The following EFNA5 variants were observed in gnomAD, a reference collection of about 807,000 sequenced individuals.
EFNA5 encodes the protein ephrin-A5.
A neutral mutation model predicts 22.9 loss-of-function variants in EFNA5; 5 were observed. The observed-to-expected ratio is 0.22, with a 90% confidence interval of 0.11 to 0.46. The LOEUF is 0.46. EFNA5 is among the 20% of genes least tolerant of loss of function. The pLI is 0.99. For synonymous variants in EFNA5, 113 were observed against 112.2 expected (o/e 1.01, Z -0.04); for missense variants, 237 against 293.3 (o/e 0.81, Z 1.40).
At chr5:107,532,485 T>C (rs746684391) in intron 1 of EFNA5, among the ~76,000 whole-genome samples, 13 of 152,218 alleles carry the variant, frequency 8.5e-5, no homozygotes, top group Non-Finnish European at 1.8e-4. Context: ...CTCTAGGAAT[T>C]AGCCGGGTTA....
intron 1 of EFNA5, among the ~76,000 whole-genome samples, chr5:107,431,903 T>C (rs1170324849): frequency 1.3e-5 from 2 of 152,244 alleles, no homozygotes; most frequent in East Asian, 1.9e-4. Flanking sequence ...AGAGAGGGCA[T>C]TGTCCAACTT....
intron 1 of EFNA5, among the ~76,000 whole-genome samples, chr5:107,455,176 G>A (rs1490357845): frequency 4.6e-5 from 7 of 152,166 alleles, no homozygotes; most frequent in African/African-American, 1.7e-4. Context: ...GTTGGATGTG[G>A]TGTCATGGCA....
In EFNA5 at chr5:107,572,480, G is replaced by A. The variant is rs559679898; in HGVS notation, c.125+98009C>T. Reference sequence around the variant, plus strand: ...AGAAGTTTAGAAAGCTAGGGAGGAGGGGGCCGCCAAAGGGAACCTGCCATG... The same window carrying A: ...AGAAGTTTAGAAAGCTAGGGAGGAGAGGGCCGCCAAAGGGAACCTGCCATG... On this transcript the variant is annotated intron_variant, in intron 1 of 4. Transcript: ENST00000333274. 3.9e-5 allele frequency among the ~76,000 whole-genome samples: 6 copies of A among 152,238 alleles called. No homozygotes were observed. The South Asian group carries it at 1.2e-3, about 32-fold the overall frequency.
intron 1 of EFNA5, among the ~76,000 whole-genome samples, chr5:107,528,249 C>T (rs751182833): frequency 1.3e-5 from 2 of 152,144 alleles, no homozygotes; most frequent in African/African-American, 4.8e-5. Context: ...AGCTTGATAT[C>T]AAAACAACTA....
At chr5:107,407,318 C>T (rs1230592044) in intron 2 of EFNA5, among the ~76,000 whole-genome samples, 2 of 152,168 alleles carry the variant, frequency 1.3e-5, no homozygotes, top group African/African-American at 4.8e-5. Flanking sequence ...ATTCTCATTA[C>T]CACCATCATC....
chr5:107,387,143 T>C (rs1156750297), intron 4 of EFNA5, 92 bp downstream of exon 4: 5 of 829,286 alleles, frequency 6.0e-6, no homozygotes, highest in Non-Finnish European at 9.4e-6. Flanking sequence ...AACTATAACA[T>C]GCAAACATGC....
At chr5:107,549,631 T>C (rs1748241991) in intron 1 of EFNA5, among the ~76,000 whole-genome samples, 1 of 152,158 alleles carries the variant, frequency 6.6e-6, no homozygotes, top group Non-Finnish European at 1.5e-5. Flanking sequence ...ATTCAATCTC[T>C]TCAGCTCTCA....
At chr5:107,637,154 A>AT (rs759298894) in intron 1 of EFNA5, among the ~76,000 whole-genome samples, 1 of 152,206 alleles carries the variant, frequency 6.6e-6, no homozygotes, top group Non-Finnish European at 1.5e-5. Context: ...AAATGAGTTC[A>AT]TTATTGGTCA....
intron 1 of EFNA5, among the ~76,000 whole-genome samples, chr5:107,661,814 A>G (rs1750966078): frequency 6.6e-6 from 1 of 152,154 alleles, no homozygotes; most frequent in African/African-American, 2.4e-5. Flanking sequence ...ATAAAACATC[A>G]AGTATCATGT....
chr5:107,591,952 ATATAT>A lies in EFNA5; in HGVS notation c.125+78532_125+78536del, dbSNP rs1749356699. On this transcript the variant is annotated intron_variant, in intron 1 of 4. Coordinates refer to ENST00000333274, the MANE Select transcript of EFNA5 (RefSeq NM_001962.3). ...ATATATAATATATATATTATATATA[ATATAT>A]AATATATATAATATATATAATATAT... Among the ~76,000 whole-genome samples the A allele has an allele frequency of 4.1e-4, 7 of 16,918 alleles. 1 individual carries two copies. Among genetic ancestry groups the A allele is most frequent in the African/African-American group, 2.3e-3 (7 of 3,032 alleles). 11.1% of individuals were successfully genotyped at this position (16,918 alleles called of 152,430 possible). A position where few individuals can be genotyped will look rare whatever the true frequency, so the allele number is the denominator to read the frequency against.
chr5:107,422,224 C>G (rs944824195), intron 2 of EFNA5, among the ~76,000 whole-genome samples: 1 of 152,180 alleles, frequency 6.6e-6, no homozygotes, highest in African/African-American at 2.4e-5. Flanking sequence ...AAGAATAGTT[C>G]TTCGTAGTGC....
At chr5:107,409,843 C>T (rs891946083) in intron 2 of EFNA5, among the ~76,000 whole-genome samples, 1 of 152,100 alleles carries the variant, frequency 6.6e-6, no homozygotes, top group Non-Finnish European at 1.5e-5. Context: ...ATGAAGCCTA[C>T]AGCAGACTGC....
intron 1 of EFNA5, among the ~76,000 whole-genome samples, chr5:107,481,429 G>A (rs889039386): frequency 6.6e-6 from 1 of 152,116 alleles, no homozygotes; most frequent in Non-Finnish European, 1.5e-5. Context: ...AATAAAGGAT[G>A]GTATTTTGAT....
intron 1 of EFNA5, among the ~76,000 whole-genome samples, chr5:107,481,404 T>C (rs1750456793): frequency 6.6e-6 from 1 of 152,194 alleles, no homozygotes; most frequent in South Asian, 2.1e-4. Context: ...TTTGAGAAGT[T>C]TGTTATTAAA....
At chr5:107,609,795 G>GTGCCCC (rs1749792244) in intron 1 of EFNA5, among the ~76,000 whole-genome samples, 1 of 152,126 alleles carries the variant, frequency 6.6e-6, no homozygotes, top group Non-Finnish European at 1.5e-5. Flanking sequence ...TCCAGCCACC[G>GTGCCCC]TGCCCCTGCC....
intron 2 of EFNA5, among the ~76,000 whole-genome samples, chr5:107,395,283 C>T (rs1747892919): frequency 1.3e-5 from 2 of 152,106 alleles, no homozygotes; most frequent in African/African-American, 4.8e-5. Flanking sequence ...AAGTGATCCC[C>T]CTGCCTCAGC....
intron 1 of EFNA5, among the ~76,000 whole-genome samples, chr5:107,460,828 G>A (rs1330438890): frequency 6.6e-6 from 1 of 152,104 alleles, no homozygotes; most frequent in African/African-American, 2.4e-5. Context: ...ACTGCTAGAG[G>A]AATATGCCTA....
intron 1 of EFNA5, among the ~76,000 whole-genome samples, chr5:107,656,120 A>C (rs1258256056): frequency 2.0e-5 from 3 of 152,188 alleles, no homozygotes; most frequent in African/African-American, 7.2e-5. Context: ...GGTATTCATT[A>C]ATTTCTCCTT....
intron 2 of EFNA5, among the ~76,000 whole-genome samples, chr5:107,406,535 T>A (rs1488305547): frequency 6.6e-6 from 1 of 152,090 alleles, no homozygotes; most frequent in Non-Finnish European, 1.5e-5. Context: ...AGGCCTTTCC[T>A]GACTATTTCA....
Sources: gnomAD v4.1 joint callset for allele counts (sites outside exome capture counted in the v4.1 genomes callset) on GRCh38, gnomAD v4.1.1 for gene constraint, MANE v1.5 for transcripts, NCBI Gene and HGNC (gene_info 2026-07-23, HGNC 2026-07-21) for gene names.